Variants in SNX13 observed in about 807,000 individuals in gnomAD.
SNX13 encodes the protein sorting nexin-13.
A neutral mutation model predicts 133.6 loss-of-function variants in SNX13; 45 were observed. The ratio of observed to expected loss-of-function variants is 0.34; its 90% confidence interval spans 0.27 to 0.43. The LOEUF (loss-of-function observed/expected upper bound fraction) is 0.43, where lower values mean the gene tolerates loss of function less well. Among genes scored for constraint, SNX13 ranks in the 20% least tolerant of loss-of-function variants. SNX13 has a pLI of 1.00. For synonymous variants in SNX13, 414 were observed against 373.9 expected (o/e 1.11, Z -1.24); for missense variants, 1,032 against 1,145.1 (o/e 0.90, Z 1.43).
chr7:17,834,187 T>C lies in SNX13; in HGVS notation c.1465-3A>G, dbSNP rs1448110832. On this transcript the variant is annotated splice_polypyrimidine_tract_variant and splice_region_variant and intron_variant, in intron 14 of 25. Transcript: ENST00000428135. ...TCTCGTAGCATCAATTCATATACCT[T>C]GGTGAAATAAATCAAGATATTCAAC... is the stretch of plus-strand genomic sequence containing the variant. The C allele has an allele frequency of 2.6e-6, 4 of 1,554,648 alleles. No individual in the cohort carries two copies. In the East Asian group the frequency reaches 6.8e-5, roughly 26 times the overall value.
chr7:17,911,065 C>T (rs1231619571), intron 1 of SNX13, among the ~76,000 whole-genome samples: 2 of 152,078 alleles, frequency 1.3e-5, no homozygotes, highest in Non-Finnish European at 1.5e-5. Flanking sequence ...AACTTCCAAA[C>T]GTTAAAAAAC....
chr7:17,882,062 C>A (rs1795408035), intron 5 of SNX13: 1 of 151,988 alleles, frequency 6.6e-6, no homozygotes, highest in Non-Finnish European at 1.5e-5. Context: ...GTATGAGTAC[C>A]CCCTACCATA....
chr7:17,880,140 T>C (rs999498924), intron 5 of SNX13: 2 of 152,200 alleles, frequency 1.3e-5, no homozygotes, highest in African/African-American at 4.8e-5. Flanking sequence ...GACCTGGGTC[T>C]TGAAAAAACT....
intron 20 of SNX13, 40 bp downstream of exon 20, chr7:17,814,794 G>T: frequency 7.1e-7 from 1 of 1,407,184 alleles, no homozygotes; most frequent in South Asian, 1.5e-5. Flanking sequence ...TAAGAAAACA[G>T]ACCTAGAAAG....
intron 12 of SNX13, among the ~76,000 whole-genome samples, chr7:17,840,547 T>G (rs973610333): frequency 6.6e-6 from 1 of 152,034 alleles, no homozygotes; most frequent in Non-Finnish European, 1.5e-5. Flanking sequence ...ACATTGTATG[T>G]TCCCAATAAA....
chr7:17,885,684 C>T (rs1308537122), intron 5 of SNX13, among the ~76,000 whole-genome samples: 4 of 152,026 alleles, frequency 2.6e-5, no homozygotes, highest in Non-Finnish European at 4.4e-5. Context: ...AAAAATTAGC[C>T]GGGAGTGGCA....
intron 17 of SNX13, among the ~76,000 whole-genome samples, chr7:17,823,604 T>A (rs1787550029): frequency 1.3e-5 from 2 of 152,220 alleles, no homozygotes; most frequent in Non-Finnish European, 2.9e-5. Context: ...TTTAACAAAG[T>A]ATATGACTAG....
rs889725460 is a variant in SNX13 at position 17,875,845 on chromosome 7, T to C, written c.441-55A>G. 14 of 1,394,008 alleles carry C rather than the reference T, an allele frequency of 1.0e-5. No individual in the cohort carries two copies. The African/African-American group carries it at 1.8e-4, about 17-fold the overall frequency. 86.4% of individuals were successfully genotyped at this position (1,394,008 alleles called of 1,614,324 possible). On this transcript the variant is annotated intron_variant, in intron 5 of 25. Transcript: ENST00000428135. ...TATATAAATGCTTTATCAGAAAATATAAATTCATTTTAATGACTACTGACA... is the reference window on the plus strand; with the variant it reads ...TATATAAATGCTTTATCAGAAAATACAAATTCATTTTAATGACTACTGACA...
chr7:17,894,681 A>G (rs1797011033), intron 2 of SNX13, among the ~76,000 whole-genome samples: 1 of 152,208 alleles, frequency 6.6e-6, no homozygotes. Flanking sequence ...TTACCAATAA[A>G]GCAAAGTGTT....
intron 18 of SNX13, among the ~76,000 whole-genome samples, chr7:17,817,649 G>A (rs1786807293): frequency 1.3e-5 from 2 of 152,118 alleles, no homozygotes; most frequent in South Asian, 4.1e-4. Context: ...AAGGGTAGAG[G>A]TAATTTATAG....
intron 7 of SNX13, 82 bp from the exon 8 acceptor site, chr7:17,873,698 A>T: frequency 1.2e-6 from 1 of 806,360 alleles, no homozygotes; most frequent in Admixed American, 3.6e-5. Context: ...TACATTTAAA[A>T]AGGCAGAAAT....
rs2272215 is a variant in SNX13 at position 17,897,664 on chromosome 7, C to T, written c.13-218G>A. On this transcript the variant is annotated intron_variant, in intron 1 of 25. Transcript: ENST00000428135. ...TATAGAGAGATTTACAGAGCATCTG[C>T]AATTACTTTTTTAAAAAATCCTAGT... Among the ~76,000 whole-genome samples, 1,261 of 152,120 alleles carry T rather than the reference C, an allele frequency of 8.3e-3. 92 individuals are homozygous for T. The East Asian group carries it at 0.18, about 21-fold the overall frequency.
chr7:17,897,155 C>T (rs1164459906), intron 2 of SNX13, among the ~76,000 whole-genome samples, 179 bp downstream of exon 2: 1 of 152,016 alleles, frequency 6.6e-6, no homozygotes, highest in Admixed American at 6.5e-5. Flanking sequence ...ATTTCTGATA[C>T]AAATAATGAC....
intron 9 of SNX13, among the ~76,000 whole-genome samples, chr7:17,860,579 T>C (rs759684676): frequency 5.3e-5 from 8 of 152,218 alleles, no homozygotes; most frequent in Non-Finnish European, 7.3e-5. Flanking sequence ...CCCTTACATA[T>C]TCTTCTAGGA....
chr7:17,837,015 C>T (rs1023477430), intron 13 of SNX13, among the ~76,000 whole-genome samples: 6 of 151,920 alleles, frequency 3.9e-5, no homozygotes, highest in African/African-American at 1.2e-4. Flanking sequence ...TGCAGTGTTA[C>T]CACTGAATAT....
intron 7 of SNX13, among the ~76,000 whole-genome samples, chr7:17,874,597 A>C (rs1049775980): frequency 6.6e-6 from 1 of 152,224 alleles, no homozygotes; most frequent in African/African-American, 2.4e-5. Flanking sequence ...CAAAGAAATA[A>C]ATAAAAATAT....
At chr7:17,801,071 GC>G (rs1784596791) in intron 22 of SNX13, among the ~76,000 whole-genome samples, 1 of 82,020 alleles carries the variant, frequency 1.2e-5, no homozygotes, top group Non-Finnish European at 2.5e-5. Context: ...TCCTGATACA[GC>G]AATTTCATTC....
Position 17,791,379 on chromosome 7 carries a change from TG to T in SNX13, c.*2665del, listed in dbSNP as rs1198299439. On this transcript the variant is annotated 3_prime_UTR_variant, in exon 26 of 26. Transcript: ENST00000428135. Reference sequence around the variant, plus strand: ...AAACTGAAATATTCAAGAAAGTTTTTGTTTTTTTTTTTTTTAAAAAAATTAA... The same window carrying T: ...AAACTGAAATATTCAAGAAAGTTTTTTTTTTTTTTTTTTTAAAAAAATTAA... 2.6e-5 allele frequency: 4 copies of T among 151,312 alleles called. No homozygotes were observed. The highest frequency in any genetic ancestry group is 2.0e-4 in the Admixed American group (3 of 15,016). 9.4% of individuals were successfully genotyped at this position (151,312 alleles called of 1,614,324 possible).
At chr7:17,796,774 A>T in intron 25 of SNX13, 53 bp downstream of exon 25, 1 of 1,347,456 alleles carries the variant, frequency 7.4e-7, no homozygotes, top group African/African-American at 1.4e-5. Flanking sequence ...GAATGCTAAA[A>T]ACTCAGAAGA....
Sources: allele counts gnomAD v4.1 joint callset (sites outside exome capture counted in the v4.1 genomes callset), GRCh38; gene constraint gnomAD v4.1.1; transcripts MANE v1.5; gene names NCBI Gene and HGNC (gene_info 2026-07-23, HGNC 2026-07-21).